The following IGSF11 variants were observed in gnomAD, a reference collection of about 807,000 sequenced individuals.
IGSF11 encodes CXADR like 1.
IGSF11 carries 22 observed loss-of-function variants against 41.0 expected under a neutral mutation model. The observed-to-expected ratio is 0.54, with a 90% CI of 0.38 to 0.77. IGSF11 has a LOEUF of 0.77. Ranked by LOEUF, IGSF11 falls within the 30% of genes least tolerant of loss-of-function variation. The pLI, the probability that IGSF11 is intolerant of heterozygous loss-of-function variation, is 0.00. For synonymous variants in IGSF11, 219 were observed against 201.3 expected, an observed-to-expected ratio of 1.09 and a Z score of -0.74; for missense variants, 444 against 530.8, an observed-to-expected ratio of 0.84 and a Z score of 1.61.
At chr3:119,068,927 C>CTTT (rs574659492) in intron 1 of IGSF11, among the ~76,000 whole-genome samples, 4 of 81,016 alleles carry the variant, frequency 4.9e-5, no homozygotes, top group Non-Finnish European at 6.7e-5. Flanking sequence ...TTTTTTTTTT[C>CTTT]TTTTTTTTTT....
At chr3:118,984,910 C>T (rs1935103186) in intron 1 of IGSF11, among the ~76,000 whole-genome samples, 1 of 152,158 alleles carries the variant, frequency 6.6e-6, no homozygotes, top group Admixed American at 6.5e-5. Context: ...TCTAAAACCA[C>T]AGAGCCCTTC....
intron 1 of IGSF11, among the ~76,000 whole-genome samples, chr3:118,946,456 A>AG (rs1341200966): frequency 1.3e-5 from 2 of 151,848 alleles, no homozygotes; most frequent in African/African-American, 2.4e-5. Flanking sequence ...TAAAAAAAAA[A>AG]AAGAAGAAGA....
chr3:119,106,977 C>G (rs2077041310), upstream of IGSF11, among the ~76,000 whole-genome samples: 1 of 152,128 alleles, frequency 6.6e-6, no homozygotes, highest in African/African-American at 2.4e-5. Flanking sequence ...TTTCTTAAAC[C>G]AGTCTATCAT....
intron 1 of IGSF11, among the ~76,000 whole-genome samples, chr3:119,046,627 T>A (rs1250517803): frequency 6.6e-6 from 1 of 151,816 alleles, no homozygotes; most frequent in Non-Finnish European, 1.5e-5. Flanking sequence ...ACATTCAGAT[T>A]CAGGAAATAC....
intron 1 of IGSF11, among the ~76,000 whole-genome samples, chr3:119,051,430 A>C (rs1444578607): frequency 6.6e-6 from 1 of 152,170 alleles, no homozygotes; most frequent in East Asian, 1.9e-4. Flanking sequence ...AAAATATCAC[A>C]ATTCTAAATA....
At chr3:119,068,005 A>G (rs149338395) in intron 1 of IGSF11, among the ~76,000 whole-genome samples, 246 of 152,348 alleles carry the variant, frequency 1.6e-3, no homozygotes, top group African/African-American at 5.4e-3. Flanking sequence ...AGTAGATTCT[A>G]ATGAGTAGCC....
At chr3:119,098,095 G>A (rs552075635) in intron 1 of IGSF11, among the ~76,000 whole-genome samples, 242 of 149,400 alleles carry the variant, frequency 1.6e-3, no homozygotes, top group African/African-American at 5.3e-3. Flanking sequence ...CCACCGCACC[G>A]AGCCAATTTG....
At chr3:118,930,557 A>T (rs1942765606) in intron 1 of IGSF11, among the ~76,000 whole-genome samples, 1 of 152,254 alleles carries the variant, frequency 6.6e-6, no homozygotes, top group Non-Finnish European at 1.5e-5. Context: ...GACACAGATG[A>T]ATTCAACTGA....
At chr3:119,051,557 C>A (rs1324392562) in intron 1 of IGSF11, among the ~76,000 whole-genome samples, 1 of 152,058 alleles carries the variant, frequency 6.6e-6, no homozygotes, top group Non-Finnish European at 1.5e-5. Context: ...ACTAACAGCA[C>A]TAAACAAGTT....
intron 1 of IGSF11, among the ~76,000 whole-genome samples, chr3:119,046,106 C>T (rs199664446): frequency 0.17 from 25,931 of 150,766 alleles, 2,718 homozygotes; most frequent in South Asian, 0.29. Flanking sequence ...TCCAAAGGAA[C>T]GCAGCTCCTC....
At chr3:119,103,560 G>A (rs1382475350) in intron 1 of IGSF11, among the ~76,000 whole-genome samples, 1 of 152,008 alleles carries the variant, frequency 6.6e-6, no homozygotes, top group Non-Finnish European at 1.5e-5. Flanking sequence ...ATTCTTCCCA[G>A]TTAACAGTTA....
chr3:119,105,363 A>C (rs1284976472), upstream of IGSF11: 1 of 564,254 alleles, frequency 1.8e-6, no homozygotes, highest in African/African-American at 1.9e-5. Flanking sequence ...CCATTTCATC[A>C]GACCAATTAA....
chr3:119,094,671 A>ATTTTT lies in IGSF11; in HGVS notation c.49+10468_49+10472dup, dbSNP rs59894832. ...CCAGAAAATCCCAGAGAGCAACTCTATTTTTTTTTTTTTTTTTTAGACTGA... is the reference window on the plus strand; with the variant it reads ...CCAGAAAATCCCAGAGAGCAACTCTATTTTTTTTTTTTTTTTTTTTTTTAGACTGA... On this transcript the variant is annotated intron_variant, in intron 1 of 6. Coordinates refer to the IGSF11 transcript ENST00000354673. 1.2e-4 allele frequency among the ~76,000 whole-genome samples: 17 copies of ATTTTT among 137,490 alleles called. No homozygotes were observed. In the East Asian group the frequency reaches 3.6e-3, roughly 29 times the overall value. 90.2% of individuals were successfully genotyped at this position (137,490 alleles called of 152,430 possible).
intron 1 of IGSF11, among the ~76,000 whole-genome samples, chr3:119,121,418 T>TA: frequency 1.3e-5 from 2 of 152,178 alleles, no homozygotes; most frequent in South Asian, 4.1e-4. Flanking sequence ...GTACAATAAC[T>TA]AAAATGAAAA....
chr3:118,976,138 T>C (rs1337808704), intron 1 of IGSF11, among the ~76,000 whole-genome samples: 3 of 152,198 alleles, frequency 2.0e-5, no homozygotes, highest in Non-Finnish European at 2.9e-5. Flanking sequence ...CAGTTTAAGC[T>C]GTATGCATTT....
At chr3:118,939,240 C>G (rs188256346) in intron 1 of IGSF11, among the ~76,000 whole-genome samples, 3 of 151,566 alleles carry the variant, frequency 2.0e-5, no homozygotes, top group Non-Finnish European at 4.4e-5. Context: ...AAACTAAACT[C>G]AATAGGAAGA....
At chr3:119,004,495 C>T (rs1189008239) in intron 1 of IGSF11, among the ~76,000 whole-genome samples, 2 of 146,572 alleles carry the variant, frequency 1.4e-5, no homozygotes, top group African/African-American at 2.6e-5. Flanking sequence ...TATTTCTTGC[C>T]TTCTGCTAGC....
At chr3:119,017,593 CTTAT>C (rs1490829868) in intron 1 of IGSF11, among the ~76,000 whole-genome samples, 1 of 152,024 alleles carries the variant, frequency 6.6e-6, no homozygotes, top group African/African-American at 2.4e-5. Context: ...GCCATGTGAT[CTTAT>C]TTAATCTTTC....
chr3:119,027,583 G>T (rs1359857853), intron 1 of IGSF11, among the ~76,000 whole-genome samples: 1 of 151,890 alleles, frequency 6.6e-6, no homozygotes, highest in Non-Finnish European at 1.5e-5. Flanking sequence ...AAACATTTAT[G>T]TCAATGTGTA....
Sources: allele counts gnomAD v4.1 joint callset (sites outside exome capture counted in the v4.1 genomes callset), GRCh38; gene constraint gnomAD v4.1.1; transcripts MANE v1.5; gene names NCBI Gene and HGNC (gene_info 2026-07-23, HGNC 2026-07-21).